Variants in SIK2 observed in about 807,000 individuals in gnomAD.
The protein encoded by SIK2 is serine/threonine-protein kinase SIK2.
Under a neutral mutation model 103.2 loss-of-function variants are expected in SIK2, and 29 were observed. That is an observed-to-expected ratio of 0.28 (90% CI 0.21 to 0.38). The LOEUF (loss-of-function observed/expected upper bound fraction) is 0.38, where lower values mean the gene tolerates loss of function less well. Among genes scored for constraint, SIK2 ranks in the 10% least tolerant of loss-of-function variants. The pLI is 1.00. For synonymous variants in SIK2, 412 were observed against 446.1 expected (o/e 0.92, Z 0.96); for missense variants, 879 against 1,171.0 (o/e 0.75, Z 3.64).
chr11:111,703,928 C>G (rs980293528), intron 7 of SIK2, among the ~76,000 whole-genome samples: 11 of 152,236 alleles, frequency 7.2e-5, no homozygotes, highest in African/African-American at 2.6e-4. Flanking sequence ...GGTCATGAAC[C>G]TGGAAAATTC....
At chr11:111,615,271 T>C (rs1941789815) in intron 1 of SIK2, among the ~76,000 whole-genome samples, 2 of 138,720 alleles carry the variant, frequency 1.4e-5, no homozygotes, top group South Asian at 4.5e-4. Context: ...GTCAACATAA[T>C]GAGACCCCAT....
chr11:111,695,360 T>C (rs1943046345), intron 4 of SIK2, among the ~76,000 whole-genome samples: 1 of 152,214 alleles, frequency 6.6e-6, no homozygotes, highest in Non-Finnish European at 1.5e-5. Context: ...CTAGAAATCA[T>C]TTACTTTTCC....
At chr11:111,711,680 C>G (rs575936505) in intron 8 of SIK2, among the ~76,000 whole-genome samples, 1 of 152,224 alleles carries the variant, frequency 6.6e-6, no homozygotes, top group African/African-American at 2.4e-5. Context: ...CTTTCTTCCT[C>G]TTCGCATACA....
chr11:111,613,199 A>AT (rs1247108972), intron 1 of SIK2, among the ~76,000 whole-genome samples: 2 of 152,098 alleles, frequency 1.3e-5, no homozygotes, highest in African/African-American at 4.8e-5. Context: ...TTTAATTGAT[A>AT]TTTAATATCT....
At chr11:111,655,236 T>C (rs1942376534) in intron 3 of SIK2, among the ~76,000 whole-genome samples, 1 of 152,128 alleles carries the variant, frequency 6.6e-6, no homozygotes, top group Admixed American at 6.6e-5. Flanking sequence ...ACCTCTTCTC[T>C]ACTAAAAATA....
intron 1 of SIK2, among the ~76,000 whole-genome samples, chr11:111,610,899 C>T (rs997281209): frequency 6.6e-6 from 1 of 152,114 alleles, no homozygotes; most frequent in Non-Finnish European, 1.5e-5. Flanking sequence ...TCTACTCATA[C>T]CTTATGCTGA....
intron 3 of SIK2, among the ~76,000 whole-genome samples, chr11:111,684,173 C>G (rs1942813871): frequency 6.6e-6 from 1 of 152,180 alleles, no homozygotes; most frequent in African/African-American, 2.4e-5. Flanking sequence ...CTTTGTTTTT[C>G]AGACAGTGCC....
chr11:111,711,268 G>A (rs374467743), intron 8 of SIK2, among the ~76,000 whole-genome samples: 3 of 151,748 alleles, frequency 2.0e-5, no homozygotes, highest in Non-Finnish European at 2.9e-5. Context: ...ACAGGCACCC[G>A]CCACCACACC....
At chr11:111,699,846 T>G (rs2135920234) in intron 4 of SIK2, among the ~76,000 whole-genome samples, 1 of 152,294 alleles carries the variant, frequency 6.6e-6, no homozygotes, top group South Asian at 2.1e-4. Context: ...TGATCCAAAG[T>G]CACAAATCCA....
At chr11:111,723,179 G>A (rs974083711) in intron 14 of SIK2, among the ~76,000 whole-genome samples, 13 of 152,180 alleles carry the variant, frequency 8.5e-5, no homozygotes, top group African/African-American at 3.1e-4. Flanking sequence ...CACCTGCAGA[G>A]GCCAAGGTGT....
At chr11:111,613,692 T>C (rs1343080413) in intron 1 of SIK2, among the ~76,000 whole-genome samples, 1 of 152,208 alleles carries the variant, frequency 6.6e-6, no homozygotes, top group East Asian at 1.9e-4. Flanking sequence ...CTTTCTAGAA[T>C]ATTTTCATTA....
At chr11:111,604,367 G>A (rs1941621518) in intron 1 of SIK2, among the ~76,000 whole-genome samples, 1 of 152,206 alleles carries the variant, frequency 6.6e-6, no homozygotes, top group African/African-American at 2.4e-5. Context: ...TTGAACTGTA[G>A]TATATCGTGT....
intron 1 of SIK2, among the ~76,000 whole-genome samples, chr11:111,612,615 C>T (rs1043921974): frequency 2.0e-5 from 3 of 152,154 alleles, no homozygotes; most frequent in Admixed American, 2.0e-4. Flanking sequence ...ATGAAGATCC[C>T]TCAGAGTTCT....
intron 4 of SIK2, among the ~76,000 whole-genome samples, chr11:111,695,921 A>C (rs750889671): frequency 6.6e-6 from 1 of 152,228 alleles, no homozygotes; most frequent in African/African-American, 2.4e-5. Flanking sequence ...TGACAGTGAT[A>C]ATGGTTTTTG....
At chr11:111,615,094 G>A (rs1462388425) in intron 1 of SIK2, among the ~76,000 whole-genome samples, 1 of 151,536 alleles carries the variant, frequency 6.6e-6, no homozygotes, top group Non-Finnish European at 1.5e-5. Context: ...AGCCAAGATC[G>A]TGCCACTGCA....
rs1943216792 is a variant in SIK2 at position 111,701,718 on chromosome 11, C to A, written c.727+143C>A. On this transcript the variant is annotated intron_variant, in intron 6 of 14. Transcript: ENST00000304987. The surrounding 1 kb of genome is among the most constrained non-coding windows in gnomAD (Gnocchi z 4.2). ...GTAGGTTAAAAGCTATAGAAAGAAGCAACCTCCTTTATGTAGGCGAGACAG... is the reference window on the plus strand; with the variant it reads ...GTAGGTTAAAAGCTATAGAAAGAAGAAACCTCCTTTATGTAGGCGAGACAG... 7.9e-6 allele frequency: 8 copies of A among 1,009,884 alleles called. 1 individual carries two copies. In the South Asian group the frequency reaches 1.3e-4, roughly 17 times the overall value. The allele number at this position is 1,009,884 out of a possible 1,614,324, so 62.6% of individuals were successfully genotyped here.
At chr11:111,673,235 G>C (rs1002757321) in intron 3 of SIK2, among the ~76,000 whole-genome samples, 2 of 152,186 alleles carry the variant, frequency 1.3e-5, no homozygotes, top group Non-Finnish European at 2.9e-5. Context: ...CTTAGAACCA[G>C]CAAGTTTTAG....
Position 111,726,440 on chromosome 11 carries a change from C to CA in SIK2, c.*2312dup. ...GCCAGGCCTATCAGGATCCGTCACACACGGCAGCGGCGTGGACACCGGCCT... is the reference window on the plus strand; with the variant it reads ...GCCAGGCCTATCAGGATCCGTCACACAACGGCAGCGGCGTGGACACCGGCCT... On this transcript the variant is annotated 3_prime_UTR_variant, in exon 15 of 15. Transcript: ENST00000304987. 6.5e-6 allele frequency: 1 copy of CA among 153,948 alleles called. No individual in the cohort carries two copies. The highest frequency in any genetic ancestry group is 1.4e-5 in the Non-Finnish European group (1 of 69,110). The allele number at this position is 153,948 out of a possible 1,614,324, so 9.5% of individuals were successfully genotyped here.
At position 111,712,266 on chromosome 11, in the gene SIK2, G is replaced by C; in HGVS notation, c.1157G>C (p.Arg386Pro). ...TMHSPNMRLL[R>P]SALLPQASNV... ...CATTCACCGAACATGAGGCTGCTGC[G>C]ATCTGCCCTCCTCCCCCAGGCATCC... is the stretch of plus-strand genomic sequence containing the variant. The change falls in exon 9 of 15, where the codon CGA (arginine) becomes CCA (proline). Residue 386 changes from arginine to proline, a missense_variant. Transcript: ENST00000304987. 6.2e-7 allele frequency: 1 copy of C among 1,614,166 alleles called. No individual in the cohort carries two copies. Among genetic ancestry groups the C allele is most frequent in the Non-Finnish European group, 8.5e-7 (1 of 1,180,030 alleles).
Sources: allele counts gnomAD v4.1 joint callset (sites outside exome capture counted in the v4.1 genomes callset), GRCh38; gene constraint gnomAD v4.1.1; non-coding constraint Gnocchi (gnomAD v3.1); transcripts MANE v1.5; gene names NCBI Gene and HGNC (gene_info 2026-07-23, HGNC 2026-07-21).